LRGUK: variants seen among roughly 807,000 people sequenced by gnomAD.
LRGUK encodes leucine rich repeats and guanylate kinase domain containing.
A neutral mutation model predicts 76.0 loss-of-function variants in LRGUK; 65 were observed. The observed-to-expected ratio is 0.85, with a 90% CI of 0.70 to 1.05. The LOEUF (loss-of-function observed/expected upper bound fraction) is 1.05, where lower values mean the gene tolerates loss of function less well. LRGUK is among the 50% of genes least tolerant of loss of function. LRGUK has a pLI of 0.00. For missense variants in LRGUK, 758 were observed against 732.8 expected (o/e 1.03, Z -0.40); for synonymous variants, 268 against 265.6 (o/e 1.01, Z -0.09).
chr7:134,130,986 C>T (rs1409042382), intron 1 of LRGUK, among the ~76,000 whole-genome samples: 3 of 152,136 alleles, frequency 2.0e-5, no homozygotes, highest in African/African-American at 4.8e-5. Context: ...GTTAATAATA[C>T]AAATAGTAAC....
At chr7:134,176,875 A>G in intron 8 of LRGUK, 102 bp from the exon 9 acceptor site, 6 of 654,590 alleles carry the variant, frequency 9.2e-6, no homozygotes, top group Non-Finnish European at 1.7e-5. Context: ...GGGAATGATG[A>G]GGTAGTAGGT....
chr7:134,245,581 A>ATGTT (rs1802280687), intron 16 of LRGUK, among the ~76,000 whole-genome samples: 1 of 152,182 alleles, frequency 6.6e-6, no homozygotes, highest in South Asian at 2.1e-4. Context: ...TGATTTCGCT[A>ATGTT]TTTAGTTGCT....
In LRGUK at chr7:134,182,649, C is replaced by T. The variant is rs112212414; in HGVS notation, c.1215-1085C>T. On this transcript the variant is annotated intron_variant, in intron 10 of 15. Coordinates refer to ENST00000645682, the Ensembl canonical transcript of LRGUK. ...CATCTTCATAGAATCCACACCTCAG[C>T]CATGTGGTTTTTTAAAATTTTATAT... Among the ~76,000 whole-genome samples, 203 of 152,256 alleles carry T rather than the reference C, an allele frequency of 1.3e-3. 1 individual carries two copies. The highest frequency in any genetic ancestry group is 4.7e-3 in the African/African-American group (197 of 41,542).
At chr7:134,244,218 A>G (rs1346103104) in intron 16 of LRGUK, among the ~76,000 whole-genome samples, 1 of 152,228 alleles carries the variant, frequency 6.6e-6, no homozygotes, top group East Asian at 1.9e-4. Flanking sequence ...TAATTAAACT[A>G]AAGAGCTTCT....
intron 11 of LRGUK, among the ~76,000 whole-genome samples, chr7:134,186,279 T>C (rs1172988085): frequency 2.0e-5 from 3 of 152,244 alleles, no homozygotes; most frequent in South Asian, 2.1e-4. Context: ...TACATTCTTA[T>C]CTGGTGAGGC....
intron 15 of LRGUK, among the ~76,000 whole-genome samples, chr7:134,218,529 T>C (rs1801496099): frequency 6.6e-6 from 1 of 152,212 alleles, no homozygotes; most frequent in Non-Finnish European, 1.5e-5. Context: ...GAGATTTTTG[T>C]TTTTCAAAAT....
intron 5 of LRGUK, 103 bp downstream of exon 5, chr7:134,148,422 A>T: frequency 1.5e-6 from 1 of 675,302 alleles, no homozygotes; most frequent in Non-Finnish European, 2.5e-6. Context: ...GTACCAGATA[A>T]GCAATTTAAT....
intron 14 of LRGUK, among the ~76,000 whole-genome samples, chr7:134,200,861 G>C (rs1800738607): frequency 6.6e-6 from 1 of 152,182 alleles, no homozygotes; most frequent in South Asian, 2.1e-4. Context: ...TTTCTGCTCA[G>C]GGTATCAGGA....
chr7:134,247,765 C>A, intron 17 of LRGUK, 121 bp downstream of exon 17: 3 of 620,856 alleles, frequency 4.8e-6, no homozygotes, highest in South Asian at 2.7e-5. Context: ...AGTGTTTCAG[C>A]AGTAAAAGCA....
chr7:134,246,885 G>A (rs148647568), intron 16 of LRGUK, among the ~76,000 whole-genome samples: 2 of 152,126 alleles, frequency 1.3e-5, no homozygotes, highest in Non-Finnish European at 2.9e-5. Flanking sequence ...CCAGTACCTG[G>A]ACAGTTGCTA....
At chr7:134,244,356 G>GA (rs376844328) in intron 16 of LRGUK, among the ~76,000 whole-genome samples, 1 of 151,870 alleles carries the variant, frequency 6.6e-6, no homozygotes, top group African/African-American at 2.4e-5. Context: ...AAATTTACAA[G>GA]AAAAAAATCA....
chr7:134,253,041 G>A (rs1211163860), intron 18 of LRGUK, among the ~76,000 whole-genome samples: 2 of 152,118 alleles, frequency 1.3e-5, no homozygotes, highest in African/African-American at 4.8e-5. Flanking sequence ...TGCCAGGTAC[G>A]AATCTAAGTT....
intron 8 of LRGUK, among the ~76,000 whole-genome samples, chr7:134,175,625 A>C (rs1416310870): frequency 6.6e-6 from 1 of 152,184 alleles, no homozygotes; most frequent in Non-Finnish European, 1.5e-5. Flanking sequence ...AGCTTTGTAC[A>C]TTCACCTCAT....
At chr7:134,171,075 G>A (rs899590673) in intron 7 of LRGUK, among the ~76,000 whole-genome samples, 1 of 151,298 alleles carries the variant, frequency 6.6e-6, no homozygotes, top group African/African-American at 2.4e-5. Flanking sequence ...GTTTAGTGGA[G>A]AATTCAGGCC....
chr7:134,190,805 A>G (rs1164507104), intron 11 of LRGUK, among the ~76,000 whole-genome samples: 1 of 152,240 alleles, frequency 6.6e-6, no homozygotes, highest in Non-Finnish European at 1.5e-5. Flanking sequence ...GGCGAATAAG[A>G]CATGGTCCTC....
chr7:134,199,980 T>A (rs1182237440), intron 14 of LRGUK, among the ~76,000 whole-genome samples: 2 of 69,562 alleles, frequency 2.9e-5, no homozygotes, highest in Non-Finnish European at 5.5e-5. Flanking sequence ...TTCTAGAAAC[T>A]TTTATATATA....
At chr7:134,263,822 C>A in intron 19 of LRGUK, 23 bp from the exon 20 acceptor site, 2 of 1,590,834 alleles carry the variant, frequency 1.3e-6, no homozygotes, top group Non-Finnish European at 1.7e-6. Flanking sequence ...GATTAACTAT[C>A]TTTTTTTCTG....
At chr7:134,251,222 G>C (rs1206493160) in intron 18 of LRGUK, among the ~76,000 whole-genome samples, 2 of 152,142 alleles carry the variant, frequency 1.3e-5, no homozygotes, top group African/African-American at 4.8e-5. Flanking sequence ...TTGGAGTAGG[G>C]TGGGCTCCTA....
intron 11 of LRGUK, among the ~76,000 whole-genome samples, chr7:134,185,561 T>C (rs1799950874): frequency 6.6e-6 from 1 of 152,028 alleles, no homozygotes; most frequent in Non-Finnish European, 1.5e-5. Flanking sequence ...TTAGAGGTTT[T>C]GGTGAATCAA....
Sources: gnomAD v4.1 joint callset for allele counts (sites outside exome capture counted in the v4.1 genomes callset) on GRCh38, gnomAD v4.1.1 for gene constraint, MANE v1.5 for transcripts, NCBI Gene and HGNC (gene_info 2026-07-23, HGNC 2026-07-21) for gene names.